The following AHNAK variants were observed in gnomAD, a reference collection of about 807,000 sequenced individuals.
AHNAK encodes the protein neuroblast differentiation-associated protein AHNAK.
Under a neutral mutation model 37.8 loss-of-function variants are expected in AHNAK, and 23 were observed. That is an observed-to-expected ratio of 0.61 (90% CI 0.44 to 0.86). AHNAK has a LOEUF of 0.86. Among genes scored for constraint, AHNAK ranks in the 40% least tolerant of loss-of-function variants. AHNAK has a pLI of 0.00. For synonymous variants in AHNAK, 2,481 were observed against 2,636.3 expected (o/e 0.94, Z 1.80); for missense variants, 7,411 against 7,319.4 (o/e 1.01, Z -0.46).
At chr11:62,461,087 G>A (rs985265247) in intron 5 of AHNAK, among the ~76,000 whole-genome samples, 5 of 144,782 alleles carry the variant, frequency 3.5e-5, no homozygotes, top group South Asian at 2.2e-4. Context: ...CGCCCGCCTC[G>A]GCCTCCCAAA....
rs776382843 is a variant in AHNAK at position 62,530,966 on chromosome 11, G to T, written c.3451C>A (p.Pro1151Thr). Reference sequence around the variant, plus strand: ...CCTGAGACAACAACGTCAGCCTTAGGCAAGTTCACATCCACTTCTGGGCCC... The same window carrying T: ...CCTGAGACAACAACGTCAGCCTTAGTCAAGTTCACATCCACTTCTGGGCCC... ...GEGPEVDVNL[P>T]KADVVVSGPK... is the part of the protein sequence containing the mutation. Residue 1151 changes from proline (P) to threonine (T), a missense_variant, in exon 5 of 5, where the codon CCT becomes ACT. Coordinates refer to ENST00000378024, the MANE Select transcript of AHNAK (RefSeq NM_001620.3). The T allele has an allele frequency of 6.2e-7, 1 of 1,613,902 alleles. No homozygotes were observed. Among genetic ancestry groups the T allele is most frequent in the Admixed American group, 1.7e-5 (1 of 59,988 alleles).
chr11:62,485,737 C>T (rs1430088284), intron 5 of AHNAK, among the ~76,000 whole-genome samples: 7 of 146,616 alleles, frequency 4.8e-5, no homozygotes, highest in Admixed American at 4.1e-4. Flanking sequence ...AACAGAAGGC[C>T]GGGAGTGGTG....
rs2134208409 is a variant in AHNAK, at chr11:62,523,061, C to T, written c.11356G>A (p.Val3786Met). The T allele has an allele frequency of 6.2e-7, 1 of 1,614,102 alleles. No individual in the cohort carries two copies. The highest frequency in any genetic ancestry group is 2.2e-5 in the East Asian group (1 of 44,862). ...TCAACATCTGGAGCATTAATGTCCA[C>T]TTTGGGGCCCTTGATGTCAACTTCA... ...GPEVDIKGPKVDINAPDVDVQ... is the reference protein window; with the variant it reads ...GPEVDIKGPKMDINAPDVDVQ... The change falls in exon 5 of 5, where the codon GTG becomes ATG. Residue 3786 changes from valine (V) to methionine (M), a missense_variant. Val to Met is a conservative substitution (Grantham distance 21). Transcript: ENST00000378024.
chr11:62,459,178 GA>G (rs1468601989), intron 5 of AHNAK, among the ~76,000 whole-genome samples: 1 of 152,152 alleles, frequency 6.6e-6, no homozygotes, highest in African/African-American at 2.4e-5. Flanking sequence ...CTTGGTAGTG[GA>G]ATGCACCACA....
At chr11:62,502,629 A>G (rs1027600861) in intron 4 of AHNAK, among the ~76,000 whole-genome samples, 3 of 152,204 alleles carry the variant, frequency 2.0e-5, no homozygotes, top group Non-Finnish European at 4.4e-5. Flanking sequence ...CAGACAAGCC[A>G]TTGGCCACTA....
chr11:62,452,032 T>G (rs1159720354), intron 5 of AHNAK, among the ~76,000 whole-genome samples: 1 of 151,886 alleles, frequency 6.6e-6, no homozygotes, highest in African/African-American at 2.4e-5. Flanking sequence ...CAGGATGGTC[T>G]CGATCTCCTG....
At chr11:62,445,749 G>A (rs1485623045) in intron 5 of AHNAK, among the ~76,000 whole-genome samples, 1 of 148,320 alleles carries the variant, frequency 6.7e-6, no homozygotes, top group African/African-American at 2.5e-5. Flanking sequence ...GGGCGCAGTG[G>A]TTCATGCCTA....
At chr11:62,435,302 C>A (rs1008770678) in intron 5 of AHNAK, among the ~76,000 whole-genome samples, 1 of 152,226 alleles carries the variant, frequency 6.6e-6, no homozygotes, top group Admixed American at 6.5e-5. Flanking sequence ...CACATAACTT[C>A]TTTCTTCCAA....
downstream of AHNAK, among the ~76,000 whole-genome samples, chr11:62,513,237 G>A (rs1939946188): frequency 6.6e-6 from 1 of 152,156 alleles, no homozygotes; most frequent in Non-Finnish European, 1.5e-5. Flanking sequence ...GCTGGTTCCT[G>A]CAAGACTTTA....
Position 62,517,484 on chromosome 11 carries a change from G to A in AHNAK, c.16933C>T (p.Pro5645Ser), listed in dbSNP as rs1940060680. 1 of 1,614,126 alleles carries A rather than the reference G, an allele frequency of 6.2e-7. No individual in the cohort carries two copies. Among genetic ancestry groups the A allele is most frequent in the Non-Finnish European group, 8.5e-7 (1 of 1,180,034 alleles). ...LQAPGLSVSG[P>S]QGHLESGSGK... ...GATCCACTTTCCAAGTGACCTTGAGGCCCAGACACACTCAGCCCAGGAGCC... is the reference window on the plus strand; with the variant it reads ...GATCCACTTTCCAAGTGACCTTGAGACCCAGACACACTCAGCCCAGGAGCC... Residue 5645 changes from proline (P) to serine (S), a missense_variant, in exon 5 of 5, where the codon CCT becomes TCT. Physicochemically the swap from Pro to Ser is moderately conservative, Grantham distance 74. Transcript: ENST00000378024.
intron 3 of AHNAK, 67 bp downstream of exon 3, chr11:62,535,878 C>A: frequency 6.5e-7 from 1 of 1,549,252 alleles, no homozygotes; most frequent in South Asian, 1.2e-5. Flanking sequence ...GCTCCCTGCC[C>A]TTCCCTCCAA....
chr11:62,458,038 C>T (rs531904391), intron 5 of AHNAK, among the ~76,000 whole-genome samples: 20 of 151,996 alleles, frequency 1.3e-4, no homozygotes, highest in Non-Finnish European at 2.8e-4. Context: ...CTCAGCCTCC[C>T]GAGTAGCTGG....
rs1228154834 is a variant in AHNAK, at chr11:62,518,278, A to T, written c.16139T>A (p.Ile5380Asn). 1 of 1,614,122 alleles carries T rather than the reference A, an allele frequency of 6.2e-7. No homozygotes were observed. The highest frequency in any genetic ancestry group is 1.3e-5 in the African/African-American group (1 of 75,036). ...TCCTACGGATACTTTAGGGCATTTG[A>T]TGTCACCAGAGACAGCCAGATCTCC... ...LQGDLAVSGD[I>N]KCPKVSVGAP... The change falls in exon 5 of 5, where the codon ATC (isoleucine) becomes AAC (asparagine). Residue 5380 changes from isoleucine to asparagine, a missense_variant. Coordinates refer to ENST00000378024, the MANE Select transcript of AHNAK (RefSeq NM_001620.3).
chr11:62,497,861 G>A (rs546162596), intron 4 of AHNAK, among the ~76,000 whole-genome samples: 2 of 152,264 alleles, frequency 1.3e-5, no homozygotes, highest in East Asian at 3.9e-4. Flanking sequence ...CTACTCAGGA[G>A]GCTGAGGCAG....
chr11:62,474,685 A>G (rs1939107390), intron 5 of AHNAK, among the ~76,000 whole-genome samples: 1 of 152,202 alleles, frequency 6.6e-6, no homozygotes, highest in African/African-American at 2.4e-5. Flanking sequence ...GAATATAAAG[A>G]GCCAGGGACT....
In AHNAK at chr11:62,527,521, T is replaced by G; in HGVS notation, c.6896A>C (p.Lys2299Thr). ...GAAGTGCATCTCAGGCATCTTAAAC[T>G]TGGGGCCCTTCAGCTTCCCTTCTGG... ...EGPEGKLKGP[K>T]FKMPEMHFKT... Residue 2299 changes from lysine to threonine, a missense_variant, in exon 5 of 5, where the codon AAG becomes ACG. Transcript: ENST00000378024. 2 of 1,613,058 alleles carry G rather than the reference T, an allele frequency of 1.2e-6. No individual in the cohort carries two copies. The highest frequency in any genetic ancestry group is 1.7e-6 in the Non-Finnish European group (2 of 1,179,774).
chr11:62,539,047 G>A (rs1397991347), intron 1 of AHNAK, among the ~76,000 whole-genome samples: 3 of 152,194 alleles, frequency 2.0e-5, no homozygotes, highest in Non-Finnish European at 4.4e-5. Flanking sequence ...GCTACAAGGT[G>A]AGCAAAGACT....
In AHNAK at chr11:62,529,436, G is replaced by A; in HGVS notation, c.4981C>T (p.His1661Tyr). 6.2e-7 allele frequency: 1 copy of A among 1,613,336 alleles called. No individual in the cohort carries two copies. Reference sequence around the variant, plus strand: ...CCTTTGACTTTGGGGCCTTTCAAGTGTAAGTCCACATCGGGCATGGAGATC... The same window carrying A: ...CCTTTGACTTTGGGGCCTTTCAAGTATAAGTCCACATCGGGCATGGAGATC... The part of the protein sequence containing the change: ...PKISMPDVDL[H>Y]LKGPKVKGDM... The change falls in exon 5 of 5, where the codon CAC becomes TAC. Residue 1661 changes from histidine to tyrosine, a missense_variant. By Grantham distance (83) the His-to-Tyr change is moderately conservative. Transcript: ENST00000378024.
At position 62,527,566 on chromosome 11, in the gene AHNAK, G is replaced by T; in HGVS notation, c.6851C>A (p.Pro2284Gln). 6.2e-7 allele frequency: 1 copy of T among 1,613,132 alleles called. No homozygotes were observed. Among genetic ancestry groups the T allele is most frequent in the South Asian group, 1.1e-5 (1 of 91,032 alleles). The change falls in exon 5 of 5, where the codon CCA (proline) becomes CAA (glutamine). Residue 2284 changes from proline (P) to glutamine (Q), a missense_variant. Coordinates refer to ENST00000378024, the MANE Select transcript of AHNAK (RefSeq NM_001620.3). The part of the protein sequence containing the change: ...VSGPKVDVEV[P>Q]DVSLEGPEGK... Reference sequence around the variant, plus strand: ...TTCTGGACCTTCAAGGCTCACATCTGGGACTTCAACATCCACCTTGGGTCC... The same window carrying T: ...TTCTGGACCTTCAAGGCTCACATCTTGGACTTCAACATCCACCTTGGGTCC...
Sources: allele counts gnomAD v4.1 joint callset (sites outside exome capture counted in the v4.1 genomes callset), GRCh38; gene constraint gnomAD v4.1.1; transcripts MANE v1.5; gene names NCBI Gene and HGNC (gene_info 2026-07-23, HGNC 2026-07-21).